LIN9: variants seen among roughly 807,000 people sequenced by gnomAD.
LIN9 encodes the protein lin-9 DREAM MuvB core complex component.
Under a neutral mutation model 78.0 loss-of-function variants are expected in LIN9, and 18 were observed. That is an observed-to-expected ratio of 0.23 (90% CI 0.16 to 0.34). The LOEUF is 0.34. Ranked by LOEUF, LIN9 falls within the 10% of genes least tolerant of loss-of-function variation. LIN9 has a pLI of 1.00. For missense variants in LIN9, 451 were observed against 644.1 expected (o/e 0.70, Z 3.25); for synonymous variants, 192 against 215.2 (o/e 0.89, Z 0.94).
chr1:226,290,769 T>A (rs982988822), intron 4 of LIN9, among the ~76,000 whole-genome samples: 4 of 152,068 alleles, frequency 2.6e-5, no homozygotes, highest in African/African-American at 4.8e-5. Flanking sequence ...TTTAAAAAAA[T>A]TTTTTAACAC....
At chr1:226,304,525 T>C (rs1662777585) in intron 1 of LIN9, among the ~76,000 whole-genome samples, 1 of 152,236 alleles carries the variant, frequency 6.6e-6, no homozygotes, top group African/African-American at 2.4e-5. Context: ...TAGCTCATGA[T>C]AAAGGAAATA....
intron 11 of LIN9, among the ~76,000 whole-genome samples, chr1:226,246,956 T>A (rs1459961492): frequency 6.6e-6 from 1 of 152,184 alleles, no homozygotes; most frequent in African/African-American, 2.4e-5. Context: ...CATTCTTTCT[T>A]TTTCCTTCTG....
chr1:226,253,118 C>G (rs1658947315), intron 10 of LIN9, among the ~76,000 whole-genome samples: 1 of 151,536 alleles, frequency 6.6e-6, no homozygotes, highest in South Asian at 2.1e-4. Flanking sequence ...AAAAAATTAG[C>G]CAAGTGTGGT....
intron 6 of LIN9, among the ~76,000 whole-genome samples, chr1:226,278,716 CAGG>C (rs1277517289): frequency 6.6e-6 from 1 of 151,462 alleles, no homozygotes; most frequent in African/African-American, 2.4e-5. Flanking sequence ...CCCAGCTACT[CAGG>C]AGGCTGAGGC....
chr1:226,285,259 CACCAAATGGCTACTGTAATT>C (rs1213357201), intron 6 of LIN9, among the ~76,000 whole-genome samples: 1 of 152,004 alleles, frequency 6.6e-6, no homozygotes, highest in Middle Eastern at 3.2e-3. Context: ...AGCAAAAAGT[CACCAAATGGCTACTGTAATT>C]ACCAAAGGCC....
At chr1:226,274,395 T>C (rs1355132371) in intron 7 of LIN9, among the ~76,000 whole-genome samples, 1 of 152,202 alleles carries the variant, frequency 6.6e-6, no homozygotes, top group Non-Finnish European at 1.5e-5. Flanking sequence ...TAATATGCTG[T>C]TTTTCTGTGA....
intron 11 of LIN9, among the ~76,000 whole-genome samples, chr1:226,241,586 C>T (rs1425165302): frequency 2.0e-5 from 3 of 152,088 alleles, no homozygotes; most frequent in East Asian, 1.9e-4. Flanking sequence ...AGGCCGGGTG[C>T]GGTGGCTCAC....
chr1:226,240,223 C>T (rs752094714), intron 11 of LIN9, among the ~76,000 whole-genome samples: 1 of 152,172 alleles, frequency 6.6e-6, no homozygotes, highest in African/African-American at 2.4e-5. Context: ...AGCTGACTAA[C>T]GTGCCATGCA....
intron 8 of LIN9, among the ~76,000 whole-genome samples, chr1:226,267,205 C>T (rs1452489456): frequency 6.9e-6 from 1 of 144,346 alleles, no homozygotes; most frequent in Non-Finnish European, 1.5e-5. Flanking sequence ...AGATATCAAG[C>T]AATATTGTAT....
rs774891488 is a variant in LIN9, at chr1:226,277,728, G to T, written c.682+47C>A. 12 of 1,513,028 alleles carry T rather than the reference G, an allele frequency of 7.9e-6. No individual in the cohort carries two copies. The East Asian group carries it at 2.3e-4, about 29-fold the overall frequency. The allele number at this position is 1,513,028 out of a possible 1,614,324, so 93.7% of individuals were successfully genotyped here. ...CCAAAGAAACAAAAAAGATTACCTT[G>T]ATTAAAAATTACAAGTCAAAAGAGT... On this transcript the variant is annotated intron_variant, in intron 7 of 14. Coordinates refer to ENST00000681046, the MANE Select transcript of LIN9 (RefSeq NM_001366245.2).
At chr1:226,272,724 A>T (rs1660380122) in intron 7 of LIN9, among the ~76,000 whole-genome samples, 1 of 151,694 alleles carries the variant, frequency 6.6e-6, no homozygotes, top group Non-Finnish European at 1.5e-5. Context: ...TTGTATTCCC[A>T]TTATCTCAAG....
chr1:226,293,683 A>G (rs1661938205), intron 4 of LIN9, among the ~76,000 whole-genome samples: 1 of 152,168 alleles, frequency 6.6e-6, no homozygotes, highest in Admixed American at 6.5e-5. Flanking sequence ...AGGTTCAAGT[A>G]AGTAGCTGGG....
At chr1:226,256,234 GA>G (rs939957336) in intron 10 of LIN9, among the ~76,000 whole-genome samples, 40 of 150,244 alleles carry the variant, frequency 2.7e-4, no homozygotes, top group African/African-American at 9.0e-4. Context: ...TAAAAAAAAG[GA>G]AAAAAAAATC....
In LIN9 at chr1:226,245,872, TA is replaced by T; in HGVS notation, c.1119+4966del. Among the ~76,000 whole-genome samples, 6 of 152,296 alleles carry T rather than the reference TA, an allele frequency of 3.9e-5. 1 individual carries two copies. The highest frequency in any genetic ancestry group is 3.9e-4 in the Admixed American group (6 of 15,288). On this transcript the variant is annotated intron_variant, in intron 11 of 14. Coordinates refer to ENST00000681046, the MANE Select transcript of LIN9 (RefSeq NM_001366245.2). ...ATGAGCCATTATACCCAGCCCCAAT[TA>T]AACATTTTTATTGTTCCATTTCCCA...
intron 12 of LIN9, among the ~76,000 whole-genome samples, chr1:226,235,322 CAAAAAAA>C (rs375690849): frequency 3.4e-5 from 2 of 59,694 alleles, no homozygotes; most frequent in Non-Finnish European, 6.2e-5. Context: ...AAATCCGTCT[CAAAAAAA>C]AAAAAAAAAA....
intron 4 of LIN9, among the ~76,000 whole-genome samples, chr1:226,289,855 G>GGGGGGA (rs1661636919): frequency 1.6e-5 from 1 of 64,328 alleles, no homozygotes; most frequent in African/African-American, 5.7e-5. Flanking sequence ...GTGGGGGGGG[G>GGGGGGA]TGGGAAAGCT....
At chr1:226,281,622 C>T (rs1313113388) in intron 6 of LIN9, among the ~76,000 whole-genome samples, 1 of 151,638 alleles carries the variant, frequency 6.6e-6, no homozygotes, top group East Asian at 1.9e-4. Flanking sequence ...AAAAAATATA[C>T]CAAAAAAAGT....
intron 11 of LIN9, among the ~76,000 whole-genome samples, chr1:226,240,098 G>C (rs1184330727): frequency 6.6e-6 from 1 of 152,162 alleles, no homozygotes; most frequent in South Asian, 2.1e-4. Context: ...ATCTAGTTAA[G>C]CCATACCATT....
At chr1:226,279,524 A>T (rs1307617603) in intron 6 of LIN9, among the ~76,000 whole-genome samples, 1 of 143,866 alleles carries the variant, frequency 7.0e-6, no homozygotes, top group African/African-American at 2.6e-5. Context: ...GCACTTTGGG[A>T]GGCTGAGGCG....
Sources: gnomAD v4.1 joint callset for allele counts (sites outside exome capture counted in the v4.1 genomes callset) on GRCh38, gnomAD v4.1.1 for gene constraint, MANE v1.5 for transcripts, NCBI Gene and HGNC (gene_info 2026-07-23, HGNC 2026-07-21) for gene names.